ABI3BP: variants seen among roughly 807,000 people sequenced by gnomAD.
ABI3BP encodes the protein ABI family member 3 binding protein.
In ABI3BP, 216 loss-of-function variants were observed where a neutral mutation model predicts 268.6. The observed-to-expected ratio is 0.80, with a 90% CI of 0.72 to 0.90. ABI3BP has a LOEUF of 0.90. ABI3BP is among the 40% of genes least tolerant of loss of function. ABI3BP has a pLI of 0.00. For missense variants in ABI3BP, 2,090 were observed against 2,182.4 expected, an observed-to-expected ratio of 0.96 and a Z score of 0.84; for synonymous variants, 730 against 730.0, an observed-to-expected ratio of 1.00 and a Z score of 0.00.
chr3:100,765,718 C>CTCTTGGGT, intron 63 of ABI3BP, 123 bp downstream of exon 63: 4 of 731,168 alleles, frequency 5.5e-6, no homozygotes, highest in Non-Finnish European at 9.2e-6. Flanking sequence ...ATAGAAAACC[C>CTCTTGGGT]AAGAGTGAAA....
At chr3:100,823,810 AT>A (rs1325082592) in intron 36 of ABI3BP, among the ~76,000 whole-genome samples, 2 of 152,230 alleles carry the variant, frequency 1.3e-5, no homozygotes, top group East Asian at 3.8e-4. Flanking sequence ...ACTGGAAAAC[AT>A]TTTAATGCAT....
At chr3:100,905,897 A>G (rs2053199967) in intron 2 of ABI3BP, among the ~76,000 whole-genome samples, 2 of 152,200 alleles carry the variant, frequency 1.3e-5, no homozygotes, top group Admixed American at 6.5e-5. Context: ...AACCACAAAA[A>G]GGAAAAAGCT....
chr3:100,978,696 AC>A (rs1287799294), intron 1 of ABI3BP, among the ~76,000 whole-genome samples: 3 of 152,318 alleles, frequency 2.0e-5, no homozygotes, highest in African/African-American at 7.2e-5. Flanking sequence ...ATATTCAACA[AC>A]AGAAAGCACA....
At chr3:100,931,097 A>C (rs1250732731) in intron 1 of ABI3BP, 2 of 152,302 alleles carry the variant, frequency 1.3e-5, no homozygotes, top group Non-Finnish European at 2.9e-5. Context: ...AAACTGCACG[A>C]TCATCTCAAT....
intron 1 of ABI3BP, among the ~76,000 whole-genome samples, chr3:100,983,684 T>C (rs1236630594): frequency 6.6e-6 from 1 of 152,184 alleles, no homozygotes; most frequent in Non-Finnish European, 1.5e-5. Flanking sequence ...TCAAACCCCT[T>C]AAATGCAGGA....
intron 1 of ABI3BP, among the ~76,000 whole-genome samples, chr3:100,982,079 A>G (rs2153957908): frequency 6.6e-6 from 1 of 152,336 alleles, no homozygotes; most frequent in African/African-American, 2.4e-5. Context: ...CTTACATGGC[A>G]GCAGGCAAGA....
At chr3:100,786,795 T>C (rs1577654867) in intron 57 of ABI3BP, among the ~76,000 whole-genome samples, 2 of 152,270 alleles carry the variant, frequency 1.3e-5, no homozygotes, top group South Asian at 4.1e-4. Context: ...GCTTTCTTGC[T>C]TTTCATAAGT....
intron 1 of ABI3BP, among the ~76,000 whole-genome samples, chr3:100,928,644 T>C (rs913935218): frequency 6.6e-6 from 1 of 152,094 alleles, no homozygotes; most frequent in African/African-American, 2.4e-5. Flanking sequence ...CTGCTATTGT[T>C]ATACTGTGGC....
intron 44 of ABI3BP, among the ~76,000 whole-genome samples, chr3:100,814,025 G>T (rs1034442820): frequency 2.0e-5 from 3 of 152,018 alleles, no homozygotes; most frequent in Non-Finnish European, 2.9e-5. Context: ...AGTTTTATTG[G>T]AACATAGCCA....
intron 14 of ABI3BP, among the ~76,000 whole-genome samples, chr3:100,857,516 C>G (rs914675684): frequency 6.6e-6 from 1 of 152,162 alleles, no homozygotes; most frequent in Admixed American, 6.5e-5. Context: ...ACATTCACAA[C>G]GAGAATAAGC....
At chr3:100,848,692 G>T in intron 18 of ABI3BP, 109 bp downstream of exon 18, 3 of 1,052,712 alleles carry the variant, frequency 2.8e-6, no homozygotes, top group Non-Finnish European at 4.3e-6. Flanking sequence ...CTCCCAAAGT[G>T]CTGGAGTTGC....
At chr3:100,873,395 A>G (rs2099129066) in intron 9 of ABI3BP, among the ~76,000 whole-genome samples, 1 of 152,204 alleles carries the variant, frequency 6.6e-6, no homozygotes, top group South Asian at 2.1e-4. Context: ...ATTAGATTTG[A>G]TGTCTTTTTT....
At chr3:100,809,538 T>A (rs1332279623) in intron 49 of ABI3BP, among the ~76,000 whole-genome samples, 2 of 152,078 alleles carry the variant, frequency 1.3e-5, no homozygotes, top group Non-Finnish European at 2.9e-5. Context: ...TTTGGAAAAG[T>A]TAGGTATAAC....
Position 100,926,447 on chromosome 3 carries a change from G to C in ABI3BP, c.114C>G (p.Thr38=), listed in dbSNP as rs751774583. 1 of 1,613,270 alleles carries C rather than the reference G, an allele frequency of 6.2e-7. No homozygotes were observed. Among genetic ancestry groups the C allele is most frequent in the East Asian group, 2.2e-5 (1 of 44,838 alleles). Residue 38 remains threonine (T), a synonymous_variant, in exon 2 of 68, where the codon ACC becomes ACG. Transcript: ENST00000471714. ...KRPNLKVHIN[T]TSDSILLKFL... is the part of the protein sequence containing the mutation. Reference sequence around the variant, plus strand: ...ACTTCAAGAGGATGGAGTCACTTGTGGTATTGATGTGGACTTTGAGGTTTG... The same window carrying C: ...ACTTCAAGAGGATGGAGTCACTTGTCGTATTGATGTGGACTTTGAGGTTTG...
intron 63 of ABI3BP, among the ~76,000 whole-genome samples, chr3:100,757,636 CAAGG>C (rs1372918138): frequency 2.6e-5 from 4 of 152,054 alleles, no homozygotes; most frequent in Admixed American, 1.3e-4. Flanking sequence ...ATGGAGTAAA[CAAGG>C]AAGAAGTCTT....
At chr3:100,826,607 C>T (rs1475449340) in intron 34 of ABI3BP, among the ~76,000 whole-genome samples, 6 of 152,166 alleles carry the variant, frequency 3.9e-5, no homozygotes, top group Admixed American at 6.6e-5. Context: ...ATATGTTTAT[C>T]AAATTATGGT....
chr3:100,805,747 G>A (rs139379758), intron 50 of ABI3BP, among the ~76,000 whole-genome samples: 4 of 152,104 alleles, frequency 2.6e-5, no homozygotes, highest in African/African-American at 9.6e-5. Flanking sequence ...TCCCAGTTCT[G>A]CAGGTCAGAT....
At chr3:100,770,259 G>T (rs932710016) in intron 62 of ABI3BP, among the ~76,000 whole-genome samples, 1 of 152,130 alleles carries the variant, frequency 6.6e-6, no homozygotes, top group Middle Eastern at 3.2e-3. Flanking sequence ...AGAGGAATTG[G>T]TGGGTGGTAA....
intron 9 of ABI3BP, among the ~76,000 whole-genome samples, chr3:100,871,339 A>T (rs1034224901): frequency 6.6e-6 from 1 of 152,224 alleles, no homozygotes; most frequent in African/African-American, 2.4e-5. Flanking sequence ...TTTTAAAGAA[A>T]CATGGTCTAC....
Sources: gnomAD v4.1 joint callset for allele counts (sites outside exome capture counted in the v4.1 genomes callset) on GRCh38, gnomAD v4.1.1 for gene constraint, MANE v1.5 for transcripts, NCBI Gene and HGNC (gene_info 2026-07-23, HGNC 2026-07-21) for gene names.